The following ATP7B variants were observed in gnomAD, a reference collection of about 807,000 sequenced individuals.
ATP7B encodes copper-transporting ATPase 2.
In ATP7B, 113 loss-of-function variants were observed where a neutral mutation model predicts 118.9. The ratio of observed to expected loss-of-function variants is 0.95; its 90% CI spans 0.82 to 1.11. The LOEUF is 1.11. Among genes scored for constraint, ATP7B ranks in the 50% most tolerant of loss-of-function variants. The probability of loss-of-function intolerance (pLI) is 0.00; values close to 1 mark genes in which losing one functional copy is unlikely to be tolerated. For missense variants in ATP7B, 1,867 were observed against 1,871.4 expected, an observed-to-expected ratio of 1.00 and a Z score of 0.04; for synonymous variants, 777 against 727.4, an observed-to-expected ratio of 1.07 and a Z score of -1.10.
chr13:51,952,672 C>A (rs1958082805), intron 9 of ATP7B, among the ~76,000 whole-genome samples: 1 of 152,170 alleles, frequency 6.6e-6, no homozygotes, highest in Admixed American at 6.5e-5. Context: ...TTAGTAACTA[C>A]CATATGCAGG....
intron 7 of ATP7B, chr13:51,958,901 G>A: frequency 3.1e-6 from 1 of 321,112 alleles, no homozygotes; most frequent in South Asian, 3.3e-5. Flanking sequence ...TAACCCACTG[G>A]CATAAAAGAT....
chr13:52,005,974 C>T (rs528405754), intron 1 of ATP7B, among the ~76,000 whole-genome samples: 2 of 152,344 alleles, frequency 1.3e-5, no homozygotes, highest in Middle Eastern at 3.4e-3. Flanking sequence ...ACACCTGGCC[C>T]GCCCAGGGCA....
chr13:52,012,121 C>T, upstream of ATP7B: 1 of 553,370 alleles, frequency 1.8e-6, no homozygotes, highest in Non-Finnish European at 3.2e-6. Context: ...GCGGGGGCTT[C>T]TAGTGGGGGA....
intron 1 of ATP7B, among the ~76,000 whole-genome samples, chr13:51,988,660 T>C (rs1015234845): frequency 1.1e-4 from 16 of 152,212 alleles, no homozygotes; most frequent in Middle Eastern, 3.4e-3. Context: ...CCAACCCAAA[T>C]GCCCATTAAT....
intron 9 of ATP7B, among the ~76,000 whole-genome samples, chr13:51,953,680 T>A (rs537509343): frequency 6.6e-6 from 1 of 152,216 alleles, no homozygotes; most frequent in Non-Finnish European, 1.5e-5. Context: ...AGTGGTTTGT[T>A]TCATAGCACT....
chr13:51,937,139 G>GAA (rs57778802), intron 19 of ATP7B, 137 bp downstream of exon 19: 1,055 of 668,954 alleles, frequency 1.6e-3, no homozygotes, highest in Middle Eastern at 4.1e-3. Context: ...CAGGGGACAT[G>GAA]AAAAAAAAAA....
At chr13:51,980,436 A>T (rs1952358618) in intron 1 of ATP7B, among the ~76,000 whole-genome samples, 1 of 152,228 alleles carries the variant, frequency 6.6e-6, no homozygotes, top group African/African-American at 2.4e-5. Context: ...CTCTCTAGGT[A>T]CCCAAGTCAC....
intron 11 of ATP7B, 60 bp downstream of exon 11, chr13:51,949,947 C>T: frequency 1.9e-6 from 3 of 1,613,466 alleles, no homozygotes; most frequent in Middle Eastern, 1.6e-4. Flanking sequence ...TTTCCCAGAA[C>T]TCTTCACATA....
intron 1 of ATP7B, among the ~76,000 whole-genome samples, chr13:51,997,234 G>A (rs1053432590): frequency 2.0e-5 from 3 of 152,170 alleles, no homozygotes; most frequent in South Asian, 2.1e-4. Flanking sequence ...GAAGCTCATC[G>A]CTTTGAGCAT....
chr13:51,950,434 C>T (rs1281574750), intron 9 of ATP7B, 35 bp from the exon 10 acceptor site: 3 of 1,612,492 alleles, frequency 1.9e-6, no homozygotes, highest in Non-Finnish European at 8.5e-7. Flanking sequence ...CACATGGCCA[C>T]TCATTCGGTC....
chr13:51,941,765 G>C (rs541832299), intron 15 of ATP7B, among the ~76,000 whole-genome samples: 1 of 152,284 alleles, frequency 6.6e-6, no homozygotes, highest in East Asian at 1.9e-4. Context: ...AGCTCTCATG[G>C]AAAGGCCATC....
chr13:52,001,876 C>T (rs112160344), intron 1 of ATP7B, among the ~76,000 whole-genome samples: 2,906 of 152,124 alleles, frequency 0.019, 81 homozygotes, highest in Admixed American at 0.083. Flanking sequence ...CTGCAGCCTC[C>T]GCCTCCCTGG....
At chr13:51,962,321 C>T (rs1228228425) in intron 5 of ATP7B, among the ~76,000 whole-genome samples, 2 of 152,222 alleles carry the variant, frequency 1.3e-5, no homozygotes, top group Non-Finnish European at 2.9e-5. Flanking sequence ...CAGCTTCCAG[C>T]CCAGGCTTCT....
chr13:51,966,699 C>A (rs374216888), intron 4 of ATP7B: 15 of 1,493,964 alleles, frequency 1.0e-5, no homozygotes, highest in African/African-American at 1.4e-5. Context: ...GCTGCCATGC[C>A]GACGTAGACC....
intron 2 of ATP7B, among the ~76,000 whole-genome samples, chr13:51,972,914 G>A (rs1017614559): frequency 2.0e-5 from 3 of 152,144 alleles, no homozygotes; most frequent in African/African-American, 4.8e-5. Flanking sequence ...GCTGAGGTGC[G>A]AGGATCACCT....
Position 51,939,142 on chromosome 13 carries a change from G to A in ATP7B, c.3608C>T (p.Ala1203Val). The A allele has an allele frequency of 6.2e-7, 1 of 1,614,166 alleles. No individual in the cohort carries two copies. The highest frequency in any genetic ancestry group is 8.5e-7 in the Non-Finnish European group (1 of 1,180,050). The change falls in exon 17 of 21, where the codon GCC becomes GTC. Residue 1203 changes from alanine (A) to valine (V), a missense_variant. Ala to Val is a moderately conservative substitution (Grantham distance 64). Coordinates refer to ENST00000242839, the MANE Select transcript of ATP7B (RefSeq NM_000053.4). The part of the protein sequence containing the change: ...AIADAVKQEA[A>V]LAVHTLQSMG... ...GCTCTGCAGCGTGTGCACAGCCAGG[G>A]CAGCCTCCTGCTTGACAGCGTCTGC...
chr13:52,001,073 C>A (rs1198069599), intron 1 of ATP7B, among the ~76,000 whole-genome samples: 1 of 152,106 alleles, frequency 6.6e-6, no homozygotes, highest in Non-Finnish European at 1.5e-5. Context: ...GAATCATCTT[C>A]TTTCAAACCC....
At chr13:51,975,239 G>A (rs1228999940) in intron 1 of ATP7B, 71 bp from the exon 2 acceptor site, 1 of 1,569,820 alleles carries the variant, frequency 6.4e-7, no homozygotes, top group African/African-American at 1.4e-5. Flanking sequence ...AGCTTCTCTG[G>A]CACTGAGAAA....
chr13:51,992,038 T>A (rs964928169), intron 1 of ATP7B, among the ~76,000 whole-genome samples: 4 of 151,916 alleles, frequency 2.6e-5, no homozygotes, highest in African/African-American at 9.7e-5. Context: ...TCTCTGCCTG[T>A]CTGAAACATA....
Sources: gnomAD v4.1 joint callset for allele counts (sites outside exome capture counted in the v4.1 genomes callset) on GRCh38, gnomAD v4.1.1 for gene constraint, MANE v1.5 for transcripts, NCBI Gene and HGNC (gene_info 2026-07-23, HGNC 2026-07-21) for gene names.